The following MNS1 variants were observed in gnomAD, a reference collection of about 807,000 sequenced individuals.
The protein encoded by MNS1 is meiosis-specific nuclear structural protein 1.
In MNS1, 63 loss-of-function variants were observed where a neutral mutation model predicts 72.0. The ratio of observed to expected loss-of-function variants is 0.87; its 90% CI spans 0.71 to 1.08. MNS1 has a LOEUF of 1.08. Among genes scored for constraint, MNS1 ranks in the 50% least tolerant of loss-of-function variants. MNS1 has a pLI of 0.00. For missense variants in MNS1, 604 were observed against 562.4 expected, an observed-to-expected ratio of 1.07 and a Z score of -0.75; for synonymous variants, 188 against 172.1, an observed-to-expected ratio of 1.09 and a Z score of -0.72.
At chr15:56,442,557 C>T (rs2050835379) in intron 7 of MNS1, among the ~76,000 whole-genome samples, 1 of 152,108 alleles carries the variant, frequency 6.6e-6, no homozygotes, top group Admixed American at 6.6e-5. Context: ...ACTACACAGC[C>T]ATAAAAAAGA....
chr15:56,441,799 G>C (rs1271674600), intron 7 of MNS1, among the ~76,000 whole-genome samples: 3 of 152,104 alleles, frequency 2.0e-5, no homozygotes, highest in Admixed American at 6.5e-5. Flanking sequence ...TGGATCATGA[G>C]GTCAGGAGAT....
chr15:56,460,355 T>C (rs2051012633), intron 2 of MNS1, among the ~76,000 whole-genome samples: 1 of 150,008 alleles, frequency 6.7e-6, no homozygotes, highest in Admixed American at 6.6e-5. Flanking sequence ...GCAGAAGTTG[T>C]AGCAGCATGC....
At position 56,463,671 on chromosome 15, in the gene MNS1, A is replaced by T. The variant is rs183013106; in HGVS notation, c.225+355T>A. ...GTGTTGCGCGCCTATAGTCCCAGCTATTCAGGAGGCTGAGGCAGAAGAATC... is the reference window on the plus strand; with the variant it reads ...GTGTTGCGCGCCTATAGTCCCAGCTTTTCAGGAGGCTGAGGCAGAAGAATC... On this transcript the variant is annotated intron_variant, in intron 2 of 9. Transcript: ENST00000260453. The T allele has an allele frequency of 3.6e-3, 676 of 186,568 alleles. 6 individuals are homozygous for T. The highest frequency in any genetic ancestry group is 0.019 in the South Asian group (148 of 7,864). 11.6% of individuals were successfully genotyped at this position (186,568 alleles called of 1,614,324 possible).
chr15:56,436,236 C>G (rs937644939), intron 7 of MNS1, among the ~76,000 whole-genome samples: 15 of 152,108 alleles, frequency 9.9e-5, no homozygotes, highest in African/African-American at 3.6e-4. Flanking sequence ...TGTAAAAGAA[C>G]AGAAATTATA....
intron 7 of MNS1, among the ~76,000 whole-genome samples, chr15:56,441,149 C>T (rs903561663): frequency 6.6e-6 from 1 of 151,934 alleles, no homozygotes; most frequent in African/African-American, 2.4e-5. Context: ...TTTCTCATTG[C>T]TTATTTAGAA....
intron 3 of MNS1, among the ~76,000 whole-genome samples, chr15:56,448,988 C>T (rs2050928414): frequency 6.6e-6 from 1 of 152,134 alleles, no homozygotes; most frequent in Admixed American, 6.5e-5. Flanking sequence ...CTCCTGACCT[C>T]AGGTGATCCA....
chr15:56,453,039 T>G (rs1377268924), intron 3 of MNS1, among the ~76,000 whole-genome samples: 1 of 152,244 alleles, frequency 6.6e-6, no homozygotes, highest in Non-Finnish European at 1.5e-5. Context: ...ATTAGTCAGT[T>G]ATATTTTCTT....
chr15:56,448,901 G>T (rs1238678522), intron 3 of MNS1, among the ~76,000 whole-genome samples: 1 of 151,788 alleles, frequency 6.6e-6, no homozygotes, highest in African/African-American at 2.4e-5. Flanking sequence ...CTACAGGTGT[G>T]TGCCACCATG....
chr15:56,465,091 G>C lies in MNS1; in HGVS notation c.-119C>G, dbSNP rs7163155. ...CTGCGCGCGCTCGGGTGTTTACGCG[G>C]CGTCTTGGCAACGGTGGAGCTGCGC... On this transcript the variant is annotated 5_prime_UTR_variant, in exon 1 of 10. Coordinates refer to ENST00000260453, the MANE Select transcript of MNS1 (RefSeq NM_018365.4). The C allele has an allele frequency of 2.8e-6, 4 of 1,406,098 alleles. No individual in the cohort carries two copies. The highest frequency in any genetic ancestry group is 1.4e-5 in the African/African-American group (1 of 69,046). The allele number at this position is 1,406,098 out of a possible 1,614,324, so 87.1% of individuals were successfully genotyped here.
chr15:56,453,606 GTGT>G (rs1235027166), intron 3 of MNS1, among the ~76,000 whole-genome samples: 6 of 152,162 alleles, frequency 3.9e-5, no homozygotes, highest in Non-Finnish European at 8.8e-5. Context: ...ATAACAGTAT[GTGT>G]TAACTGTGTA....
intron 2 of MNS1, 108 bp from the exon 3 acceptor site, chr15:56,456,629 G>T: frequency 9.5e-7 from 1 of 1,047,524 alleles, no homozygotes. Context: ...GCCAACAATT[G>T]ATGATGTTTT....
chr15:56,454,828 T>G (rs1220083007), intron 3 of MNS1, among the ~76,000 whole-genome samples: 1 of 152,190 alleles, frequency 6.6e-6, no homozygotes. Context: ...TCTCCATGCT[T>G]TATTCTGAAT....
chr15:56,430,496 A>T (rs1163676984), intron 9 of MNS1, among the ~76,000 whole-genome samples: 1 of 152,168 alleles, frequency 6.6e-6, no homozygotes, highest in African/African-American at 2.4e-5. Flanking sequence ...ATGAGTTGCC[A>T]TGCCCAGCCA....
intron 9 of MNS1, 138 bp downstream of exon 9, chr15:56,431,235 C>A: frequency 1.1e-6 from 1 of 902,378 alleles, no homozygotes; most frequent in East Asian, 2.5e-5. Context: ...AGGTTCAGTG[C>A]CTGGACAGGA....
chr15:56,456,694 T>C (rs1167742636), intron 2 of MNS1, among the ~76,000 whole-genome samples, 173 bp from the exon 3 acceptor site: 1 of 152,190 alleles, frequency 6.6e-6, no homozygotes, highest in Non-Finnish European at 1.5e-5. Flanking sequence ...TATTTTATCA[T>C]GGAAAATTTC....
intron 7 of MNS1, among the ~76,000 whole-genome samples, chr15:56,435,283 A>G (rs1257932932): frequency 1.3e-5 from 2 of 151,998 alleles, no homozygotes; most frequent in Admixed American, 6.6e-5. Flanking sequence ...AGAACTGTAA[A>G]GTAAACCCAA....
rs867061448 is a variant in MNS1 at position 56,460,049 on chromosome 15, A to G, written c.226-3528T>C. On this transcript the variant is annotated intron_variant, in intron 2 of 9. Transcript: ENST00000260453. ...ATATATATATATGTGACTATAGTTTATTCAAATGCAAAGCTTGAGGACAGC... is the reference window on the plus strand; with the variant it reads ...ATATATATATATGTGACTATAGTTTGTTCAAATGCAAAGCTTGAGGACAGC... Among the ~76,000 whole-genome samples, 15 of 118,636 alleles carry G rather than the reference A, an allele frequency of 1.3e-4. 1 individual carries two copies. The South Asian group carries it at 2.5e-3, about 20-fold the overall frequency. The allele number at this position is 118,636 out of a possible 152,430, so 77.8% of individuals were successfully genotyped here.
At chr15:56,442,510 T>C (rs150382325) in intron 7 of MNS1, among the ~76,000 whole-genome samples, 345 of 152,234 alleles carry the variant, frequency 2.3e-3, no homozygotes, top group South Asian at 9.8e-3. Flanking sequence ...AATGGTGGAC[T>C]GGATAAATAA....
intron 2 of MNS1, among the ~76,000 whole-genome samples, chr15:56,457,338 T>C (rs2050987844): frequency 6.6e-6 from 1 of 152,090 alleles, no homozygotes. Context: ...TGAAAAGATA[T>C]TCAACATCAT....
Sources: gnomAD v4.1 joint callset for allele counts (sites outside exome capture counted in the v4.1 genomes callset) on GRCh38, gnomAD v4.1.1 for gene constraint, MANE v1.5 for transcripts, NCBI Gene and HGNC (gene_info 2026-07-23, HGNC 2026-07-21) for gene names.